Variants in AUTS2 observed in about 807,000 individuals in gnomAD.
AUTS2 encodes activator of transcription and developmental regulator AUTS2, also known as autism susceptibility gene 2 protein.
In AUTS2, 17 loss-of-function variants were observed where a neutral mutation model predicts 112.4. The ratio of observed to expected loss-of-function variants is 0.15; its 90% confidence interval spans 0.10 to 0.23. The LOEUF (loss-of-function observed/expected upper bound fraction) is 0.23. Ranked by LOEUF, AUTS2 falls within the 10% of genes least tolerant of loss-of-function variation. The pLI is 1.00. For synonymous variants in AUTS2, 751 were observed against 702.7 expected (o/e 1.07, Z -1.09); for missense variants, 1,510 against 1,701.6 (o/e 0.89, Z 1.98).
chr7:69,898,231 A>G (rs1770980541), intron 1 of AUTS2, among the ~76,000 whole-genome samples: 2 of 152,198 alleles, frequency 1.3e-5, no homozygotes. Context: ...AAGTTCATTT[A>G]GGACTGCAGA....
chr7:69,914,039 A>ATTTGT (rs747880825), intron 2 of AUTS2, among the ~76,000 whole-genome samples: 11 of 152,014 alleles, frequency 7.2e-5, no homozygotes, highest in Non-Finnish European at 1.2e-4. Context: ...AGGATCTGCC[A>ATTTGT]TTTGTCTTCT....
chr7:70,214,193 T>C (rs1811059597), intron 4 of AUTS2, among the ~76,000 whole-genome samples: 1 of 152,198 alleles, frequency 6.6e-6, no homozygotes, highest in Non-Finnish European at 1.5e-5. Flanking sequence ...GGTGGCTTAA[T>C]TAGGCAAGTT....
intron 2 of AUTS2, among the ~76,000 whole-genome samples, chr7:70,086,515 C>A (rs74768041): frequency 1.3e-5 from 2 of 151,410 alleles, no homozygotes; most frequent in Non-Finnish European, 2.9e-5. Flanking sequence ...ATGGCGGGTG[C>A]CTGTAATCCC....
intron 4 of AUTS2, among the ~76,000 whole-genome samples, chr7:70,365,864 A>G (rs923190410): frequency 6.6e-6 from 1 of 152,228 alleles, no homozygotes; most frequent in Non-Finnish European, 1.5e-5. Context: ...TTCCAGGGCA[A>G]CCTGGAAAGG....
Position 70,104,620 on chromosome 7 carries a change from CTGTT to C in AUTS2, c.523-13507_523-13504del, listed in dbSNP as rs891291230. ...TTAGCCTCTAGAATATTAAAACCAT[CTGTT>C]TGTTATGATGAAACAGAATGCTTAA... On this transcript the variant is annotated intron_variant, in intron 2 of 18. Transcript: ENST00000342771. 7.5e-4 allele frequency among the ~76,000 whole-genome samples: 114 copies of C among 152,220 alleles called. 1 individual carries two copies. Among genetic ancestry groups the C allele is most frequent in the Admixed American group, 2.2e-3 (33 of 15,280 alleles).
At chr7:70,031,009 A>C (rs185699415) in intron 2 of AUTS2, among the ~76,000 whole-genome samples, 1 of 152,140 alleles carries the variant, frequency 6.6e-6, no homozygotes, top group Non-Finnish European at 1.5e-5. Flanking sequence ...ACAAAATGCT[A>C]TTCTTTTACT....
At chr7:69,964,387 A>G (rs1179235067) in intron 2 of AUTS2, among the ~76,000 whole-genome samples, 3 of 152,200 alleles carry the variant, frequency 2.0e-5, no homozygotes, top group African/African-American at 7.2e-5. Context: ...CGTGCACACT[A>G]TCCTTAGGCA....
chr7:69,994,694 A>G (rs537212008), intron 2 of AUTS2, among the ~76,000 whole-genome samples: 1 of 152,228 alleles, frequency 6.6e-6, no homozygotes, highest in East Asian at 1.9e-4. Flanking sequence ...ATTATCTGCT[A>G]TTTACTGGTA....
At chr7:70,169,424 G>A (rs1673916275) in intron 4 of AUTS2, among the ~76,000 whole-genome samples, 1 of 151,944 alleles carries the variant, frequency 6.6e-6, no homozygotes, top group South Asian at 2.1e-4. Context: ...TGTATTTTTA[G>A]TAGAGACGGG....
intron 2 of AUTS2, among the ~76,000 whole-genome samples, chr7:70,061,411 A>T (rs1802239578): frequency 6.6e-6 from 1 of 152,186 alleles, no homozygotes; most frequent in African/African-American, 2.4e-5. Context: ...CAAGGAGGGA[A>T]TAAGAGGTGC....
chr7:70,496,841 G>A (rs1311417938), intron 5 of AUTS2, among the ~76,000 whole-genome samples: 2 of 77,788 alleles, frequency 2.6e-5, no homozygotes, highest in East Asian at 4.1e-4. Context: ...CACACTCCAC[G>A]TACACAGTCA....
At chr7:70,389,960 A>T (rs1017917423) in intron 4 of AUTS2, among the ~76,000 whole-genome samples, 1 of 152,204 alleles carries the variant, frequency 6.6e-6, no homozygotes, top group African/African-American at 2.4e-5. Context: ...GAATGCAGAC[A>T]CAGACATGCA....
chr7:70,305,480 C>T (rs1789452557), intron 4 of AUTS2, among the ~76,000 whole-genome samples: 2 of 152,292 alleles, frequency 1.3e-5, no homozygotes, highest in African/African-American at 4.8e-5. Flanking sequence ...TTTGGATTCT[C>T]TCCAATTTCC....
intron 4 of AUTS2, among the ~76,000 whole-genome samples, chr7:70,430,928 C>T (rs368538848): frequency 2.0e-5 from 3 of 150,920 alleles, no homozygotes; most frequent in Non-Finnish European, 3.0e-5. Flanking sequence ...CTCCGCCTCC[C>T]GGGTTCGCGC....
intron 5 of AUTS2, among the ~76,000 whole-genome samples, chr7:70,452,451 C>T: frequency 6.6e-6 from 1 of 152,098 alleles, no homozygotes; most frequent in South Asian, 2.1e-4. Flanking sequence ...AGAGCAAGAT[C>T]CTGTCTCAAT....
At chr7:70,400,835 A>G (rs1794296385) in intron 4 of AUTS2, among the ~76,000 whole-genome samples, 1 of 152,088 alleles carries the variant, frequency 6.6e-6, no homozygotes, top group Admixed American at 6.5e-5. Flanking sequence ...ATCCTAATCT[A>G]TAGGTTTGGG....
At chr7:70,066,826 C>T (rs796160956) in intron 2 of AUTS2, among the ~76,000 whole-genome samples, 6 of 152,224 alleles carry the variant, frequency 3.9e-5, no homozygotes, top group South Asian at 4.2e-4. Context: ...AGGCATGAGC[C>T]GCCACTCCTG....
intron 2 of AUTS2, among the ~76,000 whole-genome samples, chr7:69,984,335 A>G (rs1465613274): frequency 2.8e-5 from 4 of 143,294 alleles, no homozygotes; most frequent in Non-Finnish European, 4.5e-5. Context: ...TGAACTCAGG[A>G]GGTGGAGCTT....
chr7:69,915,926 C>A (rs1210092947), intron 2 of AUTS2, among the ~76,000 whole-genome samples: 6 of 152,132 alleles, frequency 3.9e-5, no homozygotes, highest in Non-Finnish European at 7.3e-5. Context: ...GCCGTGGTGC[C>A]CAGGCTGGTC....
Sources: gnomAD v4.1 joint callset for allele counts (sites outside exome capture counted in the v4.1 genomes callset) on GRCh38, gnomAD v4.1.1 for gene constraint, MANE v1.5 for transcripts, NCBI Gene and HGNC (gene_info 2026-07-23, HGNC 2026-07-21) for gene names.